SLC2A13: variants seen among roughly 807,000 people sequenced by gnomAD.
The protein encoded by SLC2A13 is solute carrier family 2 member 13.
Under a neutral mutation model 64.4 loss-of-function variants are expected in SLC2A13, and 32 were observed. The ratio of observed to expected loss-of-function variants is 0.50; its 90% CI spans 0.37 to 0.67. The LOEUF (loss-of-function observed/expected upper bound fraction) is 0.67, where lower values mean the gene tolerates loss of function less well. SLC2A13 is among the 30% of genes least tolerant of loss of function. SLC2A13 has a pLI of 0.00. For missense variants in SLC2A13, 743 were observed against 829.2 expected, an observed-to-expected ratio of 0.90 and a Z score of 1.28; for synonymous variants, 338 against 327.1, an observed-to-expected ratio of 1.03 and a Z score of -0.36.
At chr12:39,953,137 G>T (rs1279972803) in intron 3 of SLC2A13, among the ~76,000 whole-genome samples, 3 of 152,102 alleles carry the variant, frequency 2.0e-5, no homozygotes, top group Non-Finnish European at 4.4e-5. Flanking sequence ...TGATTTGATG[G>T]TCAGGCTAGG....
intron 3 of SLC2A13, among the ~76,000 whole-genome samples, chr12:39,975,713 C>A (rs1946745663): frequency 6.6e-6 from 1 of 152,178 alleles, no homozygotes; most frequent in Non-Finnish European, 1.5e-5. Flanking sequence ...AATAGCTGTC[C>A]AAACTTCAGA....
chr12:39,764,277 G>T (rs1940268267), intron 9 of SLC2A13, among the ~76,000 whole-genome samples, 183 bp downstream of exon 9: 1 of 152,032 alleles, frequency 6.6e-6, no homozygotes, highest in African/African-American at 2.4e-5. Context: ...TTTAGGATAG[G>T]AGAATCCCTC....
At chr12:39,882,569 T>G (rs1318423492) in intron 4 of SLC2A13, among the ~76,000 whole-genome samples, 3 of 152,144 alleles carry the variant, frequency 2.0e-5, no homozygotes, top group African/African-American at 4.8e-5. Context: ...AAAGGATGCT[T>G]TCATAGCATT....
chr12:39,951,318 C>A lies in SLC2A13; in HGVS notation c.973G>T (p.Ala325Ser), dbSNP rs1946224957. ...RMLSYPPTRRALIVGCGLQMF... is the reference protein window; with the variant it reads ...RMLSYPPTRRSLIVGCGLQMF... The stretch of plus-strand genomic sequence containing the variant: ...TGTAGGCCACAACCCACAATTAAAG[C>A]TCGGCGAGTTGGGGGATAACTCAGC... The change falls in exon 4 of 10, where the codon GCT becomes TCT. Residue 325 changes from alanine to serine, a missense_variant. Physicochemically the swap from Ala to Ser is moderately conservative, Grantham distance 99. Around this residue, in one of 2 missense-constraint regions of SLC2A13, gnomAD observed 448 missense variants for 447.4 expected, o/e 1.00. Coordinates refer to ENST00000280871, the MANE Select transcript of SLC2A13 (RefSeq NM_052885.4). 1.9e-6 allele frequency: 3 copies of A among 1,611,618 alleles called. No individual in the cohort carries two copies. Among genetic ancestry groups the A allele is most frequent in the Non-Finnish European group, 2.5e-6 (3 of 1,178,716 alleles).
chr12:39,965,001 T>C (rs1270426283), intron 3 of SLC2A13, among the ~76,000 whole-genome samples: 1 of 152,210 alleles, frequency 6.6e-6, no homozygotes, highest in Non-Finnish European at 1.5e-5. Flanking sequence ...AGTCTTCTTG[T>C]CTTATTTTAC....
chr12:39,941,373 G>C (rs1565552920), intron 4 of SLC2A13, among the ~76,000 whole-genome samples: 1 of 152,128 alleles, frequency 6.6e-6, no homozygotes, highest in Non-Finnish European at 1.5e-5. Context: ...AGCTGTACTA[G>C]TTTACATTCC....
intron 4 of SLC2A13, 117 bp from the exon 5 acceptor site, chr12:39,872,078 C>T: frequency 2.6e-6 from 2 of 755,646 alleles, no homozygotes; most frequent in Non-Finnish European, 3.8e-6. Flanking sequence ...ACAGTAATAA[C>T]ATCAAATTAA....
At chr12:39,891,898 C>T (rs558345554) in intron 4 of SLC2A13, among the ~76,000 whole-genome samples, 1 of 152,104 alleles carries the variant, frequency 6.6e-6, no homozygotes, top group East Asian at 1.9e-4. Context: ...TATTAGTTGT[C>T]TATGGTTTTT....
chr12:39,861,334 T>C (rs1013206097), intron 6 of SLC2A13, among the ~76,000 whole-genome samples: 26 of 152,336 alleles, frequency 1.7e-4, no homozygotes, highest in African/African-American at 5.8e-4. Context: ...TATAATCCTA[T>C]GGTAGGTGAT....
chr12:40,018,242 T>C (rs1947653173), intron 3 of SLC2A13, among the ~76,000 whole-genome samples: 1 of 152,230 alleles, frequency 6.6e-6, no homozygotes, highest in East Asian at 1.9e-4. Context: ...ACATTTTCTA[T>C]GGTTGTACTG....
At chr12:39,937,612 A>G (rs79274367) in intron 4 of SLC2A13, among the ~76,000 whole-genome samples, 13,303 of 152,232 alleles carry the variant, frequency 0.087, 750 homozygotes, top group Admixed American at 0.15. Flanking sequence ...ATATGTTTTC[A>G]TATTTCTAAA....
In SLC2A13 at chr12:39,755,323, A is replaced by ATTT; in HGVS notation, c.*4702_*4703insAAA. On this transcript the variant is annotated 3_prime_UTR_variant, in exon 10 of 10. Transcript: ENST00000280871. ...ATTTGCCAAGACATCTGAAGTATTAAATACTATATAACATGCACTCAGAAA... is the reference window on the plus strand; with the variant it reads ...ATTTGCCAAGACATCTGAAGTATTAATTTATACTATATAACATGCACTCAGAAA... 1 of 152,200 alleles carries ATTT rather than the reference A, an allele frequency of 6.6e-6. No homozygotes were observed. The highest frequency in any genetic ancestry group is 3.4e-3 in the Middle Eastern group (1 of 294). The allele number at this position is 152,200 out of a possible 1,614,324, so 9.4% of individuals were successfully genotyped here.
At chr12:39,945,752 C>T (rs1428198011) in intron 4 of SLC2A13, among the ~76,000 whole-genome samples, 1 of 152,106 alleles carries the variant, frequency 6.6e-6, no homozygotes, top group Non-Finnish European at 1.5e-5. Context: ...TCTCCCTTCA[C>T]TTCTTGTATC....
chr12:40,007,507 A>T (rs891878411), intron 3 of SLC2A13, among the ~76,000 whole-genome samples: 4 of 21,152 alleles, frequency 1.9e-4, no homozygotes, highest in Admixed American at 1.2e-3. Context: ...CTTTTTTTTA[A>T]AAAAAGGTCA....
At chr12:40,062,682 A>C (rs1238975037) in intron 1 of SLC2A13, among the ~76,000 whole-genome samples, 1 of 152,136 alleles carries the variant, frequency 6.6e-6, no homozygotes, top group Non-Finnish European at 1.5e-5. Context: ...GAAAAGTAAT[A>C]AGCTCTTGGA....
intron 1 of SLC2A13, among the ~76,000 whole-genome samples, chr12:40,059,935 G>C (rs918044871): frequency 3.3e-5 from 5 of 152,126 alleles, no homozygotes; most frequent in African/African-American, 1.2e-4. Flanking sequence ...AGGAGATCAA[G>C]AGAAGGCCAG....
intron 3 of SLC2A13, among the ~76,000 whole-genome samples, chr12:39,993,325 C>A (rs1270986643): frequency 6.6e-6 from 1 of 152,142 alleles, no homozygotes; most frequent in Non-Finnish European, 1.5e-5. Context: ...TTATGGCAAT[C>A]CTATTTTAGA....
At chr12:39,985,186 T>C (rs1273845669) in intron 3 of SLC2A13, among the ~76,000 whole-genome samples, 6 of 152,142 alleles carry the variant, frequency 3.9e-5, no homozygotes, top group Non-Finnish European at 5.9e-5. Flanking sequence ...GAGGAAATCA[T>C]GATTATCGCA....
intron 3 of SLC2A13, among the ~76,000 whole-genome samples, chr12:39,957,180 G>C (rs2136108556): frequency 6.6e-6 from 1 of 152,236 alleles, no homozygotes; most frequent in South Asian, 2.1e-4. Flanking sequence ...AAGTCAGAGA[G>C]ACCAAGTGTT....
Sources: allele counts gnomAD v4.1 joint callset (sites outside exome capture counted in the v4.1 genomes callset), GRCh38; gene constraint gnomAD v4.1.1; regional missense constraint gnomAD v4.1.1; transcripts MANE v1.5; gene names NCBI Gene and HGNC (gene_info 2026-07-23, HGNC 2026-07-21).